The following GNG2 variants were observed in gnomAD, a reference collection of about 807,000 sequenced individuals.
The protein encoded by GNG2 is G protein subunit gamma 2.
In GNG2, 5 loss-of-function variants were observed where a neutral mutation model predicts 5.5. The observed-to-expected ratio is 0.91, with a 90% CI of 0.48 to 1.92. The LOEUF is 1.92. Ranked by LOEUF, GNG2 falls within the 30% of genes most tolerant of loss-of-function variation. The probability of loss-of-function intolerance (pLI) is 0.01; values close to 1 mark genes in which losing one functional copy is unlikely to be tolerated. For synonymous variants in GNG2, 28 were observed against 32.0 expected, an observed-to-expected ratio of 0.88 and a Z score of 0.42; for missense variants, 55 against 88.4, an observed-to-expected ratio of 0.62 and a Z score of 1.52.
intron 2 of GNG2, among the ~76,000 whole-genome samples, chr14:51,931,012 C>T (rs1450813084): frequency 6.6e-6 from 1 of 152,130 alleles, no homozygotes; most frequent in East Asian, 1.9e-4. Flanking sequence ...GGGAGGATTG[C>T]TTGAGCCCGG....
intron 2 of GNG2, among the ~76,000 whole-genome samples, chr14:51,944,461 G>A (rs768554920): frequency 3.9e-5 from 6 of 152,074 alleles, no homozygotes; most frequent in Admixed American, 6.6e-5. Context: ...TACTTCCCAA[G>A]GGCTCCACCT....
intron 2 of GNG2, among the ~76,000 whole-genome samples, chr14:51,919,783 C>T (rs897046415): frequency 2.0e-5 from 3 of 152,150 alleles, no homozygotes; most frequent in Admixed American, 6.5e-5. Flanking sequence ...TCAGGCAAAA[C>T]GGAGATCATC....
At chr14:51,858,584 G>C (rs1594843007), upstream of GNG2, among the ~76,000 whole-genome samples, 1 of 152,172 alleles carries the variant, frequency 6.6e-6, no homozygotes, top group African/African-American at 2.4e-5. Context: ...TACTGTACTT[G>C]AATCTAGAGT....
intron 1 of GNG2, among the ~76,000 whole-genome samples, chr14:51,871,146 G>A (rs1291025526): frequency 6.6e-6 from 1 of 151,940 alleles, no homozygotes; most frequent in African/African-American, 2.4e-5. Flanking sequence ...GAATTAAATT[G>A]GTCCTTTGCC....
chr14:51,866,331 T>C lies in GNG2; in HGVS notation c.-71+5541T>C, dbSNP rs371525187. On this transcript the variant is annotated intron_variant, in intron 1 of 3. Transcript: ENST00000556766. ...TCAAAATTCTTTCCTTCTTCCTTTT[T>C]TATTTCACTTTTCACTCTGTCCTGT... is the stretch of plus-strand genomic sequence containing the variant. Among the ~76,000 whole-genome samples the C allele has an allele frequency of 8.5e-5, 13 of 152,316 alleles. 1 individual carries two copies. The South Asian group carries it at 2.7e-3, about 32-fold the overall frequency.
intron 2 of GNG2, among the ~76,000 whole-genome samples, chr14:51,925,784 G>C (rs1203049471): frequency 1.9e-5 from 2 of 107,226 alleles, no homozygotes; most frequent in African/African-American, 4.3e-5. Flanking sequence ...GCTAATTTTT[G>C]TAATTTTTTT....
At chr14:51,851,833 T>C (rs1452954670) in intron 2 of GNG2, among the ~76,000 whole-genome samples, 1 of 152,222 alleles carries the variant, frequency 6.6e-6, no homozygotes, top group East Asian at 1.9e-4. Flanking sequence ...ATAGTATTTG[T>C]GGTTATTGCT....
intron 2 of GNG2, among the ~76,000 whole-genome samples, chr14:51,838,504 C>G (rs1410026172): frequency 6.6e-6 from 1 of 151,950 alleles, no homozygotes; most frequent in African/African-American, 2.4e-5. Context: ...TCAAGGAGAT[C>G]AAGAAATGTG....
chr14:51,953,481 A>G (rs1035676191), intron 3 of GNG2, among the ~76,000 whole-genome samples: 1 of 152,186 alleles, frequency 6.6e-6, no homozygotes, highest in African/African-American at 2.4e-5. Context: ...ACACAAATAA[A>G]TCAATACTAA....
At chr14:51,852,957 C>T (rs1172995542) in intron 2 of GNG2, among the ~76,000 whole-genome samples, 2 of 152,138 alleles carry the variant, frequency 1.3e-5, no homozygotes, top group Non-Finnish European at 2.9e-5. Flanking sequence ...AATGTTATTA[C>T]TTGGTCGGTA....
upstream of GNG2, among the ~76,000 whole-genome samples, chr14:51,855,634 G>A (rs73291063): frequency 9.8e-3 from 1,491 of 152,306 alleles, 26 homozygotes; most frequent in African/African-American, 0.035. Flanking sequence ...AATTAAGCAA[G>A]CCATTAAATG....
chr14:51,953,928 A>G (rs1045514480), intron 3 of GNG2, among the ~76,000 whole-genome samples: 1 of 152,172 alleles, frequency 6.6e-6, no homozygotes, highest in Non-Finnish European at 1.5e-5. Context: ...AAATGGCTTT[A>G]TATACGTCTG....
At chr14:51,942,193 A>C (rs532990570) in intron 2 of GNG2, among the ~76,000 whole-genome samples, 11 of 152,352 alleles carry the variant, frequency 7.2e-5, no homozygotes, top group Admixed American at 4.6e-4. Context: ...TATAAGACAT[A>C]AGAATATAAA....
At chr14:51,942,099 C>T (rs151004250) in intron 2 of GNG2, among the ~76,000 whole-genome samples, 2,076 of 152,170 alleles carry the variant, frequency 0.014, 22 homozygotes, top group Non-Finnish European at 0.02. Context: ...TTAGATAAGC[C>T]GGGACCAGAT....
At chr14:51,862,697 G>C (rs1282460542) in intron 1 of GNG2, among the ~76,000 whole-genome samples, 2 of 152,248 alleles carry the variant, frequency 1.3e-5, no homozygotes, top group Non-Finnish European at 2.9e-5. Flanking sequence ...AGAGTCAAGA[G>C]GGCCTTGCTA....
chr14:51,849,228 G>A (rs1172013046), intron 2 of GNG2, among the ~76,000 whole-genome samples: 1 of 152,116 alleles, frequency 6.6e-6, no homozygotes, highest in Non-Finnish European at 1.5e-5. Context: ...TCCCCACATC[G>A]ACCTCTCCAC....
chr14:51,932,518 T>A (rs1462639495), intron 2 of GNG2, among the ~76,000 whole-genome samples: 1 of 151,934 alleles, frequency 6.6e-6, no homozygotes, highest in Non-Finnish European at 1.5e-5. Context: ...TGGTCCCCGC[T>A]ACTTGGGAGG....
chr14:51,894,326 G>A (rs1885051122), intron 2 of GNG2, among the ~76,000 whole-genome samples: 1 of 152,036 alleles, frequency 6.6e-6, no homozygotes. Context: ...CTGGGTGTGT[G>A]ATAAATATAA....
At chr14:51,906,526 T>A (rs1002655912) in intron 2 of GNG2, among the ~76,000 whole-genome samples, 3 of 152,170 alleles carry the variant, frequency 2.0e-5, no homozygotes, top group Admixed American at 2.0e-4. Context: ...GAACAATAAT[T>A]CCCAACACTT....
Sources: gnomAD v4.1 joint callset for allele counts (sites outside exome capture counted in the v4.1 genomes callset) on GRCh38, gnomAD v4.1.1 for gene constraint, MANE v1.5 for transcripts, NCBI Gene and HGNC (gene_info 2026-07-23, HGNC 2026-07-21) for gene names.